Variants in HHIPL2 observed in about 807,000 individuals in gnomAD.
HHIPL2 encodes the protein HHIP-like protein 2.
HHIPL2 carries 61 observed loss-of-function variants against 61.0 expected under a neutral mutation model. That is an observed-to-expected ratio of 1.00 (90% CI 0.81 to 1.24). HHIPL2 has a LOEUF of 1.24. Among genes scored for constraint, HHIPL2 ranks in the 50% most tolerant of loss-of-function variants. HHIPL2 has a pLI of 0.00. For synonymous variants in HHIPL2, 343 were observed against 357.4 expected (o/e 0.96, Z 0.45); for missense variants, 885 against 910.2 (o/e 0.97, Z 0.36).
chr1:222,531,045 G>A (rs1659177229), intron 6 of HHIPL2, among the ~76,000 whole-genome samples: 1 of 152,130 alleles, frequency 6.6e-6, no homozygotes, highest in African/African-American at 2.4e-5. Context: ...TTAGAGCTGA[G>A]TCTCTCTGTG....
chr1:222,543,844 C>T lies in HHIPL2; in HGVS notation c.667G>A (p.Val223Ile). Residue 223 changes from valine (V) to isoleucine (I), a missense_variant, in exon 2 of 9, where the codon GTC (valine) becomes ATC (isoleucine). Coordinates refer to ENST00000343410, the MANE Select transcript of HHIPL2 (RefSeq NM_024746.4). ...CGATGGGTGCCGTCCCCAGCATGGA[C>T]CATGGAGACGGGGTTCCTCAGCCCG... Reference protein sequence around the residue: ...ANGLRNPVSMVHAGDGTHRFF... With the variant: ...ANGLRNPVSMIHAGDGTHRFF... 1 of 1,614,152 alleles carries T rather than the reference C, an allele frequency of 6.2e-7. No individual in the cohort carries two copies. Among genetic ancestry groups the T allele is most frequent in the African/African-American group, 1.3e-5 (1 of 75,044 alleles).
intron 1 of HHIPL2, among the ~76,000 whole-genome samples, chr1:222,547,061 AC>A (rs1659570222): frequency 6.6e-6 from 1 of 152,084 alleles, no homozygotes; most frequent in Non-Finnish European, 1.5e-5. Flanking sequence ...TGCAGCCTAC[AC>A]CCGTCTTGTT....
intron 1 of HHIPL2, among the ~76,000 whole-genome samples, chr1:222,544,917 TCA>T (rs1659523485): frequency 6.6e-6 from 1 of 152,226 alleles, no homozygotes; most frequent in Non-Finnish European, 1.5e-5. Flanking sequence ...TTTAAAAATT[TCA>T]GTGTTTAATA....
intron 7 of HHIPL2, among the ~76,000 whole-genome samples, chr1:222,524,708 T>C (rs1296949823): frequency 3.9e-5 from 6 of 152,206 alleles, no homozygotes. Flanking sequence ...GAGAAAAGGA[T>C]ACATAAATTA....
At chr1:222,536,264 A>G (rs1350843958) in intron 5 of HHIPL2, among the ~76,000 whole-genome samples, 1 of 152,186 alleles carries the variant, frequency 6.6e-6, no homozygotes, top group Non-Finnish European at 1.5e-5. Flanking sequence ...TGATTTAAAA[A>G]AAAGAGAAGA....
intron 6 of HHIPL2, among the ~76,000 whole-genome samples, chr1:222,529,426 G>A (rs568449977): frequency 6.6e-5 from 10 of 152,238 alleles, no homozygotes; most frequent in African/African-American, 1.4e-4. Flanking sequence ...GGGGCCCCTC[G>A]AAACCATGCA....
chr1:222,539,752 C>T (rs892512225), intron 4 of HHIPL2, among the ~76,000 whole-genome samples: 1 of 152,050 alleles, frequency 6.6e-6, no homozygotes, highest in African/African-American at 2.4e-5. Flanking sequence ...AATCTCATGT[C>T]TCCAATCCAC....
chr1:222,529,159 G>A (rs185499675), intron 6 of HHIPL2, among the ~76,000 whole-genome samples: 3 of 152,244 alleles, frequency 2.0e-5, no homozygotes, highest in East Asian at 3.9e-4. Flanking sequence ...AGAGACCAGC[G>A]TTTGTCTTGT....
At chr1:222,528,521 C>G (rs984465776) in intron 6 of HHIPL2, among the ~76,000 whole-genome samples, 1 of 152,120 alleles carries the variant, frequency 6.6e-6, no homozygotes, top group African/African-American at 2.4e-5. Context: ...ACATGAGAAT[C>G]ACTTGAATCT....
In HHIPL2 at chr1:222,522,652, G is replaced by C; in HGVS notation, c.2124C>G (p.Gly708=). The C allele has an allele frequency of 6.2e-7, 1 of 1,614,154 alleles. No homozygotes were observed. The highest frequency in any genetic ancestry group is 8.5e-7 in the Non-Finnish European group (1 of 1,180,030). The change falls in exon 9 of 9, where the codon GGC becomes GGG. Residue 708 remains glycine (G), a synonymous_variant. Coordinates refer to ENST00000343410, the MANE Select transcript of HHIPL2 (RefSeq NM_024746.4). The stretch of plus-strand genomic sequence containing the variant: ...TCTGCTCTGCTGATGGCCTCATCCT[G>C]CCACTGTGGCTTTTCAGGCTCTTCC... The part of the protein sequence containing the change: ...KRRKSLKSHS[G]RMRPSAEQKR...
At chr1:222,545,958 T>C (rs2102624202) in intron 1 of HHIPL2, among the ~76,000 whole-genome samples, 1 of 152,076 alleles carries the variant, frequency 6.6e-6, no homozygotes, top group African/African-American at 2.4e-5. Context: ...GACAGGAGAA[T>C]CGCTTGAAGC....
intron 6 of HHIPL2, among the ~76,000 whole-genome samples, chr1:222,528,592 C>T (rs915662226): frequency 4.6e-5 from 7 of 151,748 alleles, no homozygotes; most frequent in Admixed American, 1.3e-4. Context: ...CAGTAGGCAA[C>T]AGAGCGAGAC....
rs1659356906 is a variant in HHIPL2 at position 222,538,638 on chromosome 1, C to A, written c.1577+10G>T. ...AAAAAGAGGGAGAAGGGACATCAGT[C>A]CTTCCTTACCCACTCATGAAGTCTC... On this transcript the variant is annotated intron_variant, in intron 5 of 8. Transcript: ENST00000343410. 1 of 1,611,726 alleles carries A rather than the reference C, an allele frequency of 6.2e-7. No individual in the cohort carries two copies. Among genetic ancestry groups the A allele is most frequent in the Non-Finnish European group, 8.5e-7 (1 of 1,178,450 alleles).
At chr1:222,525,413 C>A (rs1659041514) in intron 7 of HHIPL2, among the ~76,000 whole-genome samples, 1 of 152,104 alleles carries the variant, frequency 6.6e-6, no homozygotes. Context: ...CCTTGGCTAT[C>A]CACCCTCCAC....
At position 222,538,820 on chromosome 1, in the gene HHIPL2, G is replaced by A. The variant is rs1335143712; in HGVS notation, c.1451-46C>T. The A allele has an allele frequency of 1.9e-6, 3 of 1,606,462 alleles. No homozygotes were observed. In the African/African-American group the frequency reaches 4.0e-5, roughly 22 times the overall value. On this transcript the variant is annotated intron_variant, in intron 4 of 8. Coordinates refer to ENST00000343410, the MANE Select transcript of HHIPL2 (RefSeq NM_024746.4). ...AGAGTGAGTGTCGTGGCCTAAAATT[G>A]AAAGCTTCAAGGAGGAAGAAGGGGA...
At chr1:222,534,405 C>T (rs1200519127) in intron 5 of HHIPL2, among the ~76,000 whole-genome samples, 6 of 151,966 alleles carry the variant, frequency 3.9e-5, no homozygotes, top group East Asian at 1.9e-4. Context: ...TTCTAAACCC[C>T]GTCTCTACTA....
At chr1:222,526,856 T>C in intron 7 of HHIPL2, 113 bp downstream of exon 7, 1 of 781,610 alleles carries the variant, frequency 1.3e-6, no homozygotes, top group Admixed American at 2.6e-5. Context: ...CCAAACTGCT[T>C]TTCATCTAGA....
At position 222,543,619 on chromosome 1, in the gene HHIPL2, T is replaced by A; in HGVS notation, c.892A>T (p.Lys298Ter). The part of the protein sequence containing the change: ...KFYIYYSCLD[K>*]KKVEKIRISE... ...ATTCGGATCTTTTCTACCTTCTTCTTGTCCAGGCACGAATAATAAATATAG... is the reference window on the plus strand; with the variant it reads ...ATTCGGATCTTTTCTACCTTCTTCTAGTCCAGGCACGAATAATAAATATAG... Residue 298 changes from lysine (K) to a stop codon, truncating the protein, a stop_gained, in exon 2 of 9, where the codon AAG becomes TAG. Coordinates refer to ENST00000343410, the MANE Select transcript of HHIPL2 (RefSeq NM_024746.4). LOFTEE classifies it high-confidence loss of function. 3 of 1,614,178 alleles carry A rather than the reference T, an allele frequency of 1.9e-6. No individual in the cohort carries two copies. Among genetic ancestry groups the A allele is most frequent in the Non-Finnish European group, 2.5e-6 (3 of 1,180,022 alleles).
chr1:222,545,882 T>A (rs1659542961), intron 1 of HHIPL2, among the ~76,000 whole-genome samples: 1 of 151,192 alleles, frequency 6.6e-6, no homozygotes, highest in South Asian at 2.1e-4. Flanking sequence ...AATAAAAAAA[T>A]TAAAAAAATA....
Sources: gnomAD v4.1 joint callset for allele counts (sites outside exome capture counted in the v4.1 genomes callset) on GRCh38, gnomAD v4.1.1 for gene constraint, MANE v1.5 for transcripts, NCBI Gene and HGNC (gene_info 2026-07-23, HGNC 2026-07-21) for gene names.